The following ERC2 variants were observed in gnomAD, a reference collection of about 807,000 sequenced individuals.
ERC2 encodes ELKS/RAB6-interacting/CAST family member 2.
In ERC2, 42 loss-of-function variants were observed where a neutral mutation model predicts 114.8. The ratio of observed to expected loss-of-function variants is 0.37; its 90% confidence interval spans 0.29 to 0.47. The LOEUF (loss-of-function observed/expected upper bound fraction) is 0.47, where lower values mean the gene tolerates loss of function less well. ERC2 is among the 20% of genes least tolerant of loss of function. ERC2 has a pLI of 0.99. For missense variants in ERC2, 939 were observed against 1,150.7 expected (o/e 0.82, Z 2.66); for synonymous variants, 454 against 425.5 (o/e 1.07, Z -0.82).
chr3:56,332,968 G>A (rs1159565442), intron 2 of ERC2, among the ~76,000 whole-genome samples: 1 of 152,210 alleles, frequency 6.6e-6, no homozygotes, highest in African/African-American at 2.4e-5. Flanking sequence ...TTAAAAGAAA[G>A]AACAGAGAAT....
At chr3:56,215,227 C>T (rs144643882) in intron 3 of ERC2, among the ~76,000 whole-genome samples, 46,053 of 151,904 alleles carry the variant, frequency 0.3, 8,523 homozygotes, top group Middle Eastern at 0.43. Context: ...GACCCATCAG[C>T]GTGCTGTATT....
chr3:55,843,109 A>G (rs1205580028), intron 14 of ERC2, among the ~76,000 whole-genome samples: 2 of 152,230 alleles, frequency 1.3e-5, no homozygotes, highest in African/African-American at 4.8e-5. Context: ...CACAGGATGT[A>G]GCCATGTGAC....
intron 17 of ERC2, among the ~76,000 whole-genome samples, chr3:55,563,606 G>A (rs749960994): frequency 6.6e-6 from 1 of 152,196 alleles, no homozygotes; most frequent in Non-Finnish European, 1.5e-5. Flanking sequence ...AGTGACAGAG[G>A]ATCCCTTCAG....
intron 17 of ERC2, among the ~76,000 whole-genome samples, chr3:55,654,084 T>G (rs2060758062): frequency 6.6e-6 from 1 of 152,226 alleles, no homozygotes; most frequent in African/African-American, 2.4e-5. Context: ...GAACTCAGCC[T>G]TCTTGATGAG....
At chr3:56,251,096 C>G (rs796582918) in intron 3 of ERC2, among the ~76,000 whole-genome samples, 3 of 152,264 alleles carry the variant, frequency 2.0e-5, no homozygotes, top group African/African-American at 7.2e-5. Flanking sequence ...CAAAGTTATA[C>G]ACATGTAAGG....
chr3:56,133,601 C>T (rs1164399138), intron 6 of ERC2, among the ~76,000 whole-genome samples: 2 of 152,104 alleles, frequency 1.3e-5, no homozygotes, highest in Non-Finnish European at 2.9e-5. Flanking sequence ...CTCTGTATGA[C>T]CTTGAGCAAG....
At chr3:55,916,285 T>C (rs545372621) in intron 13 of ERC2, among the ~76,000 whole-genome samples, 123 of 152,318 alleles carry the variant, frequency 8.1e-4, no homozygotes, top group African/African-American at 2.8e-3. Context: ...ATCTAGGTTT[T>C]TGGAAAGATT....
intron 14 of ERC2, among the ~76,000 whole-genome samples, chr3:55,847,106 G>T (rs183122286): frequency 2.6e-5 from 4 of 152,180 alleles, no homozygotes; most frequent in East Asian, 1.9e-4. Flanking sequence ...TTCTAACAAA[G>T]GATATATATC....
At chr3:55,991,204 G>A (rs2071033997) in intron 11 of ERC2, among the ~76,000 whole-genome samples, 1 of 152,166 alleles carries the variant, frequency 6.6e-6, no homozygotes, top group Non-Finnish European at 1.5e-5. Flanking sequence ...CAAGTGTCTC[G>A]ATCAAAGCTG....
intron 14 of ERC2, among the ~76,000 whole-genome samples, chr3:55,749,449 C>T (rs1277268611): frequency 6.6e-6 from 1 of 152,116 alleles, no homozygotes; most frequent in Non-Finnish European, 1.5e-5. Flanking sequence ...GCTGGACTTC[C>T]TGGGTTGAGT....
intron 4 of ERC2, among the ~76,000 whole-genome samples, chr3:56,155,293 G>T (rs2081640552): frequency 6.8e-6 from 1 of 147,800 alleles, no homozygotes; most frequent in Non-Finnish European, 1.5e-5. Flanking sequence ...GCCAATCAGA[G>T]TTCTTTTAGG....
chr3:55,853,782 A>G (rs1226587906), intron 14 of ERC2, among the ~76,000 whole-genome samples: 2 of 152,226 alleles, frequency 1.3e-5, no homozygotes, highest in African/African-American at 4.8e-5. Context: ...CAGTTATTAT[A>G]GAATGAGTGC....
At chr3:55,567,631 A>C (rs1330519804) in intron 17 of ERC2, among the ~76,000 whole-genome samples, 3 of 152,128 alleles carry the variant, frequency 2.0e-5, no homozygotes, top group Non-Finnish European at 4.4e-5. Flanking sequence ...GGTGAGGCTG[A>C]CAGGAGGTGA....
intron 14 of ERC2, among the ~76,000 whole-genome samples, chr3:55,875,789 T>C (rs866615907): frequency 9.9e-5 from 15 of 151,598 alleles, no homozygotes; most frequent in African/African-American, 3.6e-4. Flanking sequence ...TGCCCAAAAG[T>C]CAAAATTACA....
intron 15 of ERC2, among the ~76,000 whole-genome samples, chr3:55,728,549 T>C (rs910616560): frequency 6.6e-6 from 1 of 152,204 alleles, no homozygotes; most frequent in African/African-American, 2.4e-5. Flanking sequence ...TTTGTATTTA[T>C]CCTAACCCCT....
intron 2 of ERC2, among the ~76,000 whole-genome samples, chr3:56,309,063 C>G (rs749874582): frequency 2.0e-5 from 3 of 152,164 alleles, no homozygotes; most frequent in Non-Finnish European, 4.4e-5. Context: ...AAAAGACAAA[C>G]AGCAGACCAG....
chr3:55,728,437 G>A (rs2065052255), intron 15 of ERC2, among the ~76,000 whole-genome samples: 1 of 152,214 alleles, frequency 6.6e-6, no homozygotes, highest in Admixed American at 6.5e-5. Flanking sequence ...GTTGGACTGA[G>A]ATTGAATGGA....
At position 56,212,507 on chromosome 3, in the gene ERC2, G is replaced by A. The variant is rs975108352; in HGVS notation, c.1075-38987C>T. 2.6e-5 allele frequency among the ~76,000 whole-genome samples: 4 copies of A among 152,156 alleles called. No individual in the cohort carries two copies. In the South Asian group the frequency reaches 8.3e-4, roughly 32 times the overall value. On this transcript the variant is annotated intron_variant, in intron 3 of 17. Transcript: ENST00000288221. ...AGGAACACTTTTACACTACTGGTGG[G>A]AATGTAAATTAATACAACCACTGTG...
intron 14 of ERC2, among the ~76,000 whole-genome samples, chr3:55,749,476 T>C (rs1303665999): frequency 6.6e-6 from 1 of 152,070 alleles, no homozygotes; most frequent in Non-Finnish European, 1.5e-5. Flanking sequence ...TTGGGGAACT[T>C]TTCTGACAAG....
Sources: gnomAD v4.1 joint callset for allele counts (sites outside exome capture counted in the v4.1 genomes callset) on GRCh38, gnomAD v4.1.1 for gene constraint, MANE v1.5 for transcripts, NCBI Gene and HGNC (gene_info 2026-07-23, HGNC 2026-07-21) for gene names.